The following ACOXL variants were observed in gnomAD, a reference collection of about 807,000 sequenced individuals.
ACOXL encodes the protein acyl-coenzyme A oxidase-like protein.
A neutral mutation model predicts 71.9 loss-of-function variants in ACOXL; 70 were observed. The ratio of observed to expected loss-of-function variants is 0.97; its 90% CI spans 0.80 to 1.19. The LOEUF (loss-of-function observed/expected upper bound fraction) is 1.19. ACOXL is among the 50% of genes most tolerant of loss of function. ACOXL has a pLI of 0.00. For missense variants in ACOXL, 703 were observed against 736.3 expected (o/e 0.95, Z 0.52); for synonymous variants, 253 against 281.6 (o/e 0.90, Z 1.02).
At chr2:111,026,610 C>T (rs999766557) in intron 14 of ACOXL, among the ~76,000 whole-genome samples, 1 of 151,478 alleles carries the variant, frequency 6.6e-6, no homozygotes, top group African/African-American at 2.4e-5. Flanking sequence ...ATTTTGAGTT[C>T]CAGTTCATTG....
intron 16 of ACOXL, among the ~76,000 whole-genome samples, chr2:111,087,630 C>T (rs1447999910): frequency 6.6e-6 from 1 of 152,102 alleles, no homozygotes; most frequent in Non-Finnish European, 1.5e-5. Flanking sequence ...AAACTGGACC[C>T]CTTCCTTACA....
At chr2:110,802,754 G>A (rs1226636522) in intron 8 of ACOXL, among the ~76,000 whole-genome samples, 1 of 152,154 alleles carries the variant, frequency 6.6e-6, no homozygotes, top group East Asian at 1.9e-4. Context: ...GAGGGGATGG[G>A]GAGAGGTTGG....
At chr2:110,807,734 G>A (rs1215249431) in intron 9 of ACOXL, among the ~76,000 whole-genome samples, 1 of 152,148 alleles carries the variant, frequency 6.6e-6, no homozygotes, top group Non-Finnish European at 1.5e-5. Flanking sequence ...GATCTCACCG[G>A]CCCTCTTGGC....
chr2:111,043,675 G>A (rs770412830), intron 15 of ACOXL, among the ~76,000 whole-genome samples: 29 of 152,178 alleles, frequency 1.9e-4, no homozygotes, highest in Non-Finnish European at 3.4e-4. Flanking sequence ...GAGACGTGGG[G>A]CCCTCTACTT....
chr2:110,946,079 A>T (rs2061096684), intron 12 of ACOXL, among the ~76,000 whole-genome samples: 1 of 152,168 alleles, frequency 6.6e-6, no homozygotes, highest in African/African-American at 2.4e-5. Context: ...GGTTAGCTGT[A>T]TTCCTTTTTG....
intron 11 of ACOXL, among the ~76,000 whole-genome samples, chr2:110,923,882 G>T (rs988787583): frequency 2.6e-5 from 4 of 151,628 alleles, no homozygotes; most frequent in Non-Finnish European, 5.9e-5. Flanking sequence ...GTTGCAGTGA[G>T]CTGAGAACAC....
chr2:111,046,089 T>C (rs1399240531), intron 15 of ACOXL, among the ~76,000 whole-genome samples: 1 of 152,230 alleles, frequency 6.6e-6, no homozygotes, highest in African/African-American at 2.4e-5. Context: ...CCATGTGTCA[T>C]GTGTCACATC....
chr2:111,055,696 G>A (rs1029073441), intron 16 of ACOXL, among the ~76,000 whole-genome samples: 3 of 152,116 alleles, frequency 2.0e-5, no homozygotes, highest in African/African-American at 7.2e-5. Context: ...CCTCCACATG[G>A]AAAAAAGGGG....
chr2:110,918,311 G>T (rs1286278468), intron 11 of ACOXL, among the ~76,000 whole-genome samples: 3 of 152,170 alleles, frequency 2.0e-5, no homozygotes, highest in Non-Finnish European at 1.5e-5. Flanking sequence ...AATAGGAAAA[G>T]GATTCCCTGT....
At chr2:110,880,165 AAAAAAAAG>A (rs1249863974) in intron 10 of ACOXL, among the ~76,000 whole-genome samples, 5 of 151,528 alleles carry the variant, frequency 3.3e-5, no homozygotes, top group Non-Finnish European at 7.4e-5. Flanking sequence ...AAAAAAAAAA[AAAAAAAAG>A]AAAAGAAAAG....
intron 1 of ACOXL, among the ~76,000 whole-genome samples, chr2:110,759,106 G>T (rs1195455198): frequency 6.6e-6 from 1 of 152,112 alleles, no homozygotes; most frequent in Non-Finnish European, 1.5e-5. Flanking sequence ...TGTGTGATCA[G>T]TTTTAGAGTA....
At chr2:110,734,756 C>G (rs1676626698) in intron 1 of ACOXL, among the ~76,000 whole-genome samples, 2 of 151,940 alleles carry the variant, frequency 1.3e-5, no homozygotes, top group African/African-American at 4.8e-5. Context: ...AACCAAACTA[C>G]TGATTTGAGG....
intron 12 of ACOXL, among the ~76,000 whole-genome samples, chr2:110,941,089 T>C (rs1325462382): frequency 6.6e-6 from 1 of 152,242 alleles, no homozygotes; most frequent in Non-Finnish European, 1.5e-5. Context: ...CGATACTGGT[T>C]GGAATTTTCA....
At chr2:111,073,294 GTT>G (rs1491064215) in intron 16 of ACOXL, among the ~76,000 whole-genome samples, 1,660 of 152,174 alleles carry the variant, frequency 0.011, 25 homozygotes, top group African/African-American at 0.037. Flanking sequence ...TCTTTCATGA[GTT>G]ATGCTTTTGA....
At position 111,048,401 on chromosome 2, in the gene ACOXL, C is replaced by T. The variant is rs570153934; in HGVS notation, c.1370-817C>T. Among the ~76,000 whole-genome samples the T allele has an allele frequency of 5.6e-4, 85 of 152,236 alleles. No individual in the cohort carries two copies. The Middle Eastern group carries it at 0.01, about 18-fold the overall frequency. ...GGTTAACTTAGTAAAAGCCTTAATGCGTGTCAAATAAGTGGTTTTAAATCT... is the reference window on the plus strand; with the variant it reads ...GGTTAACTTAGTAAAAGCCTTAATGTGTGTCAAATAAGTGGTTTTAAATCT... On this transcript the variant is annotated intron_variant, in intron 15 of 17. Transcript: ENST00000439055.
At chr2:111,049,412 T>A in intron 16 of ACOXL, 124 bp downstream of exon 16, 1 of 760,204 alleles carries the variant, frequency 1.3e-6, no homozygotes, top group Non-Finnish European at 2.2e-6. Flanking sequence ...TCCAGGGGGA[T>A]AAGCTTGTCA....
At chr2:110,997,915 G>A (rs2063468935) in intron 14 of ACOXL, among the ~76,000 whole-genome samples, 1 of 152,014 alleles carries the variant, frequency 6.6e-6, no homozygotes, top group Non-Finnish European at 1.5e-5. Flanking sequence ...GCCAGGTGTG[G>A]CAGCACATTC....
chr2:110,962,032 T>A (rs1057294953), intron 12 of ACOXL, among the ~76,000 whole-genome samples: 3 of 152,238 alleles, frequency 2.0e-5, no homozygotes, highest in Non-Finnish European at 4.4e-5. Flanking sequence ...TATTTAGTGT[T>A]ACTCTTCTTC....
chr2:111,049,194 C>T (rs2066162428), intron 15 of ACOXL, 24 bp from the exon 16 acceptor site: 2 of 1,579,766 alleles, frequency 1.3e-6, no homozygotes, highest in East Asian at 2.2e-5. Context: ...AAGTCATTCA[C>T]AATTTCCATT....
Sources: allele counts gnomAD v4.1 joint callset (sites outside exome capture counted in the v4.1 genomes callset), GRCh38; gene constraint gnomAD v4.1.1; transcripts MANE v1.5; gene names NCBI Gene and HGNC (gene_info 2026-07-23, HGNC 2026-07-21).